The following COL5A2 variants were observed in gnomAD, a reference collection of about 807,000 sequenced individuals.
COL5A2 encodes the protein collagen alpha-2(V) chain.
COL5A2 carries 23 observed loss-of-function variants against 208.2 expected under a neutral mutation model. The observed-to-expected ratio is 0.11, with a 90% CI of 0.08 to 0.16. The LOEUF is 0.16. Ranked by LOEUF, COL5A2 falls within the 10% of genes least tolerant of loss-of-function variation. COL5A2 has a pLI of 1.00. For synonymous variants in COL5A2, 625 were observed against 628.5 expected, an observed-to-expected ratio of 0.99 and a Z score of 0.08; for missense variants, 1,590 against 1,956.4, an observed-to-expected ratio of 0.81 and a Z score of 3.53.
chr2:189,411,736 GA>G, the COL5A2 span, among the ~76,000 whole-genome samples: 7 of 152,176 alleles, frequency 4.6e-5, no homozygotes, highest in African/African-American at 1.4e-4. Context: ...GATCTTGTTT[GA>G]TTTTTTTTAA....
chr2:189,381,317 C>T, the COL5A2 span, among the ~76,000 whole-genome samples: 1 of 151,930 alleles, frequency 6.6e-6, no homozygotes, highest in African/African-American at 2.4e-5. Context: ...CTTTCATTTT[C>T]CTTTTCTTTT....
chr2:189,407,174 T>C, the COL5A2 span, among the ~76,000 whole-genome samples: 47 of 152,214 alleles, frequency 3.1e-4, no homozygotes, highest in African/African-American at 1.1e-3. Context: ...TTTTAGGCAA[T>C]TTGCTCCAAG....
At chr2:189,183,641 G>T (rs957136072), upstream of COL5A2, among the ~76,000 whole-genome samples, 2 of 152,054 alleles carry the variant, frequency 1.3e-5, no homozygotes, top group Non-Finnish European at 2.9e-5. Context: ...AATAGGGAAG[G>T]ATACTCTTCA....
chr2:189,335,153 C>T, the COL5A2 span, among the ~76,000 whole-genome samples: 2 of 152,002 alleles, frequency 1.3e-5, no homozygotes, highest in Non-Finnish European at 1.5e-5. Context: ...ATCTTCACGA[C>T]CTTGAGGGTA....
At chr2:189,318,280 A>G in the COL5A2 span, among the ~76,000 whole-genome samples, 1 of 152,170 alleles carries the variant, frequency 6.6e-6, no homozygotes, top group East Asian at 1.9e-4. Context: ...AAGGGGATAA[A>G]AAATACCAAT....
intron 6 of COL5A2, among the ~76,000 whole-genome samples, chr2:189,096,866 G>A (rs72906352): frequency 0.13 from 20,201 of 152,106 alleles, 1,375 homozygotes; most frequent in Middle Eastern, 0.19. Flanking sequence ...TGAAAAAGGC[G>A]GAGTGCTACC....
Position 189,072,097 on chromosome 2 carries a change from T to C in COL5A2, c.1105-4A>G. 1.2e-6 allele frequency: 2 copies of C among 1,605,586 alleles called. No homozygotes were observed. Among genetic ancestry groups the C allele is most frequent in the Non-Finnish European group, 1.7e-6 (2 of 1,173,748 alleles). Reference sequence around the variant, plus strand: ...AGCCTGGTATCCCAAGAGGACCCTATTAAAAGAAACCAGAAAAGTAATCAG... The same window carrying C: ...AGCCTGGTATCCCAAGAGGACCCTACTAAAAGAAACCAGAAAAGTAATCAG... On this transcript the variant is annotated splice_polypyrimidine_tract_variant and splice_region_variant and intron_variant, in intron 17 of 53. Coordinates refer to ENST00000374866, the MANE Select transcript of COL5A2 (RefSeq NM_000393.5).
chr2:189,293,132 A>T, the COL5A2 span, among the ~76,000 whole-genome samples: 1 of 152,048 alleles, frequency 6.6e-6, no homozygotes, highest in East Asian at 1.9e-4. Flanking sequence ...GAGGGATAGC[A>T]TTAGGAGATA....
intron 21 of COL5A2, among the ~76,000 whole-genome samples, chr2:189,067,445 T>C (rs1377137528): frequency 2.0e-5 from 3 of 152,156 alleles, no homozygotes; most frequent in Non-Finnish European, 2.9e-5. Flanking sequence ...TGTAAATATT[T>C]ATTTAAATAT....
At chr2:189,238,427 A>T in the COL5A2 span, among the ~76,000 whole-genome samples, 1 of 152,154 alleles carries the variant, frequency 6.6e-6, no homozygotes, top group African/African-American at 2.4e-5. Flanking sequence ...TCCAGTAGGA[A>T]ATAAGATTCT....
chr2:189,428,674 A>G, the COL5A2 span, among the ~76,000 whole-genome samples: 1 of 152,190 alleles, frequency 6.6e-6, no homozygotes, highest in South Asian at 2.1e-4. Context: ...TGCTTTTGCC[A>G]TGTAAGATGT....
chr2:189,097,586 A>T, intron 5 of COL5A2: 1 of 649,878 alleles, frequency 1.5e-6, no homozygotes, highest in African/African-American at 1.8e-5. Flanking sequence ...TAGTGAGCTA[A>T]ATAGATTAGC....
chr2:189,036,798 A>G lies in COL5A2; in HGVS notation c.3931T>C (p.Tyr1311His). Residue 1311 changes from tyrosine (Y) to histidine (H), a missense_variant, in exon 52 of 54, where the codon TAC becomes CAC. Coordinates refer to ENST00000374866, the MANE Select transcript of COL5A2 (RefSeq NM_000393.5). ...LCHSAKQSGEYWIDPNQGSVE... is the reference protein window; with the variant it reads ...LCHSAKQSGEHWIDPNQGSVE... ...GATCCTTGGTTAGGATCAATCCAGTATTCACCTATTTTTCAAAATAGAAAT... is the reference window on the plus strand; with the variant it reads ...GATCCTTGGTTAGGATCAATCCAGTGTTCACCTATTTTTCAAAATAGAAAT... 2.5e-6 allele frequency: 4 copies of G among 1,610,304 alleles called. No homozygotes were observed. Among genetic ancestry groups the G allele is most frequent in the Non-Finnish European group, 3.4e-6 (4 of 1,177,326 alleles).
the COL5A2 span, among the ~76,000 whole-genome samples, chr2:189,289,912 TG>T: frequency 6.6e-6 from 1 of 152,186 alleles, no homozygotes; most frequent in African/African-American, 2.4e-5. Flanking sequence ...CTACCCAAAG[TG>T]ATCTACAGAT....
chr2:189,263,228 T>C, the COL5A2 span, among the ~76,000 whole-genome samples: 1 of 152,028 alleles, frequency 6.6e-6, no homozygotes, highest in Non-Finnish European at 1.5e-5. Context: ...AAGTATCCCA[T>C]CCTCCACCAC....
At chr2:189,043,894 G>A (rs184975219) in intron 47 of COL5A2, among the ~76,000 whole-genome samples, 2 of 152,240 alleles carry the variant, frequency 1.3e-5, no homozygotes, top group South Asian at 2.1e-4. Context: ...CTTGATCTAC[G>A]GCTACAAAGA....
At chr2:189,038,917 C>T (rs538922934) in intron 51 of COL5A2, among the ~76,000 whole-genome samples, 1 of 152,102 alleles carries the variant, frequency 6.6e-6, no homozygotes, top group African/African-American at 2.4e-5. Flanking sequence ...TCTTGATCTC[C>T]TGACCTCATG....
At chr2:189,076,343 T>G (rs1419316943) in intron 16 of COL5A2, among the ~76,000 whole-genome samples, 2 of 152,178 alleles carry the variant, frequency 1.3e-5, no homozygotes, top group Non-Finnish European at 2.9e-5. Flanking sequence ...CTGGTGACAG[T>G]TGGAGTATGA....
rs146920653 is a variant in COL5A2, at chr2:189,185,138, C to T, written c.-42+40010G>A. Among the ~76,000 whole-genome samples the T allele has an allele frequency of 6.1e-3, 935 of 152,260 alleles. 15 individuals are homozygous for T. The highest frequency in any genetic ancestry group is 0.019 in the African/African-American group (804 of 41,560). On this transcript the variant is annotated intron_variant, in intron 1 of 10. Coordinates refer to the COL5A2 transcript ENST00000649966. ...TCCCGGGTTCAAACGATTCTCCTGC[C>T]TCAGCCTCCCAAGTAGCTGGGATTA...
Sources: gnomAD v4.1 joint callset for allele counts (sites outside exome capture counted in the v4.1 genomes callset) on GRCh38, gnomAD v4.1.1 for gene constraint, MANE v1.5 for transcripts, NCBI Gene and HGNC (gene_info 2026-07-23, HGNC 2026-07-21) for gene names.